The following OR11A1 variants were observed in gnomAD, a reference collection of about 807,000 sequenced individuals.
OR11A1 encodes the protein olfactory receptor 11A1.
For missense variants in OR11A1, 380 were observed against 378.2 expected (o/e 1.00, Z -0.04); for synonymous variants, 158 against 152.2 (o/e 1.04, Z -0.28).
chr6:29,454,906 C>T (rs1322713891), intron 1 of OR11A1, among the ~76,000 whole-genome samples: 1 of 151,574 alleles, frequency 6.6e-6, no homozygotes, highest in Non-Finnish European at 1.5e-5. Context: ...TTTTTTATCG[C>T]TTCTCGGCCT....
intron 1 of OR11A1, among the ~76,000 whole-genome samples, chr6:29,433,124 C>T (rs73403386): frequency 0.051 from 7,726 of 152,144 alleles, 381 homozygotes; most frequent in African/African-American, 0.12. Flanking sequence ...ATGTATACAT[C>T]ATGGAATGAC....
chr6:29,429,015 G>T, intron 3 of OR11A1, 55 bp from the exon 4 acceptor site: 2 of 543,676 alleles, frequency 3.7e-6, no homozygotes, highest in Non-Finnish European at 4.7e-6. Context: ...GAGAAAGGTA[G>T]AGAAAAAAAG....
intron 1 of OR11A1, chr6:29,441,125 C>A: frequency 1.7e-6 from 1 of 578,430 alleles, no homozygotes; most frequent in Non-Finnish European, 3.1e-6. Context: ...CAGACCCTCA[C>A]AACACATACA....
At chr6:29,441,849 T>C (rs1784225376) in intron 1 of OR11A1, among the ~76,000 whole-genome samples, 2 of 152,208 alleles carry the variant, frequency 1.3e-5, no homozygotes, top group Non-Finnish European at 2.9e-5. Flanking sequence ...GGTTTTCTGT[T>C]CCTGTGTTAG....
Position 29,427,518 on chromosome 6 carries a change from T to C in OR11A1, c.124A>G (p.Ile42Val). The part of the protein sequence containing the change: ...VFTAVYVFII[I>V]GNMLIIVAVV... ...GCTACAATAATCAGCATATTCCCTA[T>C]GATGATGAAGACATAGACAGCAGTG... Residue 42 changes from isoleucine (I) to valine (V), a missense_variant, in exon 5 of 5, where the codon ATA (isoleucine) becomes GTA (valine). Ile to Val is a conservative substitution (Grantham distance 29). Transcript: ENST00000377149. The C allele has an allele frequency of 6.2e-7, 1 of 1,613,010 alleles. No individual in the cohort carries two copies. Among genetic ancestry groups the C allele is most frequent in the Non-Finnish European group, 8.5e-7 (1 of 1,180,000 alleles).
In OR11A1 at chr6:29,440,823, G is replaced by T. The variant is rs72482089; in HGVS notation, c.-388-8836C>A. The T allele has an allele frequency of 3.1e-3, 5,068 of 1,613,980 alleles. 26 individuals are homozygous for T. Among genetic ancestry groups the T allele is most frequent in the Admixed American group, 6.3e-3 (379 of 60,024 alleles). ...TAAGGCCAGCTACGATCCGGCCACT[G>T]ACCCTCTGGTGTCCCTCTTCTATGC... On this transcript the variant is annotated intron_variant, in intron 1 of 4. Transcript: ENST00000377149.
intron 1 of OR11A1, among the ~76,000 whole-genome samples, chr6:29,448,618 G>A (rs943625753): frequency 3.3e-5 from 5 of 152,196 alleles, no homozygotes; most frequent in Admixed American, 6.5e-5. Flanking sequence ...CCATTTTCGA[G>A]TTGGCCAGTT....
Position 29,427,004 on chromosome 6 carries a change from C to T in OR11A1, c.638G>A (p.Gly213Glu). ...LSVFCLTIPF[G>E]LILTSYARIV... ...TCTGGCATAAGATGTCAGAATCAGT[C>T]CAAAAGGAATAGTGAGGCAGAACAC... The change falls in exon 5 of 5, where the codon GGA (glycine) becomes GAA (glutamate). Residue 213 changes from glycine (G) to glutamate (E), a missense_variant. Gly to Glu is a moderately conservative substitution (Grantham distance 98). Transcript: ENST00000377149. 6.2e-7 allele frequency: 1 copy of T among 1,612,770 alleles called. No individual in the cohort carries two copies. Among genetic ancestry groups the T allele is most frequent in the South Asian group, 1.1e-5 (1 of 91,076 alleles).
At chr6:29,440,889 C>A (rs1784122719) in intron 1 of OR11A1, 1 of 1,613,686 alleles carries the variant, frequency 6.2e-7, no homozygotes, top group Non-Finnish European at 8.5e-7. Flanking sequence ...CTACAGCCTG[C>A]GGAACACAGA....
chr6:29,444,692 A>T (rs1004746068), intron 1 of OR11A1, among the ~76,000 whole-genome samples: 1 of 152,194 alleles, frequency 6.6e-6, no homozygotes, highest in Non-Finnish European at 1.5e-5. Context: ...ATCCTGGGCA[A>T]TATAAGCACA....
chr6:29,437,143 A>G (rs923152261), intron 1 of OR11A1, among the ~76,000 whole-genome samples: 5 of 152,216 alleles, frequency 3.3e-5, no homozygotes, highest in African/African-American at 1.2e-4. Context: ...TTCCTCAGGG[A>G]TCTAGAACTA....
At chr6:29,449,679 C>A (rs569479443) in intron 1 of OR11A1, among the ~76,000 whole-genome samples, 33 of 152,252 alleles carry the variant, frequency 2.2e-4, no homozygotes, top group Middle Eastern at 3.4e-3. Flanking sequence ...CTCTGACTCC[C>A]AGGCTGGAGT....
rs1393606085 is a variant in OR11A1 at position 29,427,297 on chromosome 6, C to G, written c.345G>C (p.Leu115=). The G allele has an allele frequency of 1.2e-6, 2 of 1,612,970 alleles. No individual in the cohort carries two copies. Among genetic ancestry groups the G allele is most frequent in the African/African-American group, 2.7e-5 (2 of 74,900 alleles). ...AGCGGTCATATGCCATGACAGCCAG[C>G]AGTAAGCATTCAGCTGTGGCTAGAG... ...FGSLATAECL[L]LAVMAYDRYL... The change falls in exon 5 of 5, where the codon CTG becomes CTC. Residue 115 remains leucine (L), a synonymous_variant. Coordinates refer to ENST00000377149, the MANE Select transcript of OR11A1 (RefSeq NM_001394828.1).
chr6:29,445,430 G>T (rs1328295577), intron 1 of OR11A1, among the ~76,000 whole-genome samples: 1 of 151,922 alleles, frequency 6.6e-6, no homozygotes, highest in Non-Finnish European at 1.5e-5. Flanking sequence ...GCAGGCTGAA[G>T]AACTGAGCAG....
chr6:29,436,294 TTTTG>T (rs1361697044), intron 1 of OR11A1, among the ~76,000 whole-genome samples: 4 of 152,170 alleles, frequency 2.6e-5, no homozygotes, highest in Non-Finnish European at 4.4e-5. Context: ...TTTTCACATT[TTTTG>T]TTTGTTTTTT....
chr6:29,428,264 A>C, intron 4 of OR11A1: 1 of 985,386 alleles, frequency 1.0e-6, no homozygotes, highest in Non-Finnish European at 1.2e-6. Context: ...TGCCTTCCTT[A>C]AATAGTAGTT....
Position 29,436,455 on chromosome 6 carries a change from C to T in OR11A1, c.-388-4468G>A, listed in dbSNP as rs184797587. Among the ~76,000 whole-genome samples the T allele has an allele frequency of 6.1e-4, 93 of 152,204 alleles. 1 individual carries two copies. Among genetic ancestry groups the T allele is most frequent in the African/African-American group, 2.2e-3 (91 of 41,522 alleles). On this transcript the variant is annotated intron_variant, in intron 1 of 4. Coordinates refer to ENST00000377149, the MANE Select transcript of OR11A1 (RefSeq NM_001394828.1). ...CAGGCATGTGTTATAGGGCTGTTGG[C>T]TGTGGGTTCAACGTTAATGATCAAC...
At position 29,426,871 on chromosome 6, in the gene OR11A1, C is replaced by G; in HGVS notation, c.771G>C (p.Met257Ile). 6.2e-7 allele frequency: 1 copy of G among 1,613,080 alleles called. No individual in the cohort carries two copies. The highest frequency in any genetic ancestry group is 8.5e-7 in the Non-Finnish European group (1 of 1,180,028). Residue 257 changes from methionine to isoleucine, a missense_variant, in exon 5 of 5, where the codon ATG (methionine) becomes ATC (isoleucine). Coordinates refer to ENST00000377149, the MANE Select transcript of OR11A1 (RefSeq NM_001394828.1). ...CAGCAGAGGGTGCAACATAAAAGAT[C>G]ATGAGCGTTCCATAGAATGTGGTCA... The part of the protein sequence containing the change: ...AVVTTFYGTL[M>I]IFYVAPSAVH...
intron 1 of OR11A1, among the ~76,000 whole-genome samples, chr6:29,442,657 A>C (rs1413898703): frequency 6.6e-6 from 1 of 152,016 alleles, no homozygotes; most frequent in Non-Finnish European, 1.5e-5. Context: ...GCGAAAAGAC[A>C]AAGGTGTTAC....
Sources: allele counts gnomAD v4.1 joint callset (sites outside exome capture counted in the v4.1 genomes callset), GRCh38; gene constraint gnomAD v4.1.1; transcripts MANE v1.5; gene names NCBI Gene and HGNC (gene_info 2026-07-23, HGNC 2026-07-21).